The following ZPBP variants were observed in gnomAD, a reference collection of about 807,000 sequenced individuals.
ZPBP encodes the protein zona pellucida binding protein, also known as zona pellucida-binding protein 1.
Under a neutral mutation model 44.8 loss-of-function variants are expected in ZPBP, and 26 were observed. The ratio of observed to expected loss-of-function variants is 0.58; its 90% CI spans 0.43 to 0.81. ZPBP has a LOEUF of 0.81. Among genes scored for constraint, ZPBP ranks in the 30% least tolerant of loss-of-function variants. The probability of loss-of-function intolerance (pLI) is 0.00; values close to 1 mark genes in which losing one functional copy is unlikely to be tolerated. For missense variants in ZPBP, 409 were observed against 434.0 expected (o/e 0.94, Z 0.51); for synonymous variants, 174 against 153.2 (o/e 1.14, Z -1.00).
At chr7:49,902,284 T>TA (rs972782736) in intron 1 of ZPBP, among the ~76,000 whole-genome samples, 2 of 151,402 alleles carry the variant, frequency 1.3e-5, no homozygotes, top group African/African-American at 4.8e-5. Flanking sequence ...GCAAAAGACA[T>TA]AAAAAAAACT....
chr7:50,033,500 T>C (rs761097037), intron 4 of ZPBP, among the ~76,000 whole-genome samples: 1 of 152,124 alleles, frequency 6.6e-6, no homozygotes, highest in African/African-American at 2.4e-5. Flanking sequence ...ATACTCTAAA[T>C]ATTTTGGGGA....
At chr7:49,847,364 T>G (rs1402431430), downstream of ZPBP, among the ~76,000 whole-genome samples, 1 of 152,098 alleles carries the variant, frequency 6.6e-6, no homozygotes, top group Admixed American at 6.6e-5. Context: ...GTGTTATCTG[T>G]GCTGTAGAAT....
intron 7 of ZPBP, among the ~76,000 whole-genome samples, chr7:49,941,215 AT>A (rs777285380): frequency 4.6e-5 from 7 of 152,188 alleles, no homozygotes; most frequent in Non-Finnish European, 8.8e-5. Flanking sequence ...TGAAGCTACT[AT>A]GAAAAACAAT....
intron 3 of ZPBP, among the ~76,000 whole-genome samples, chr7:50,074,565 G>A (rs1313322057): frequency 6.6e-6 from 1 of 151,556 alleles, no homozygotes; most frequent in Non-Finnish European, 1.5e-5. Context: ...GAAAATAAAG[G>A]GATATAAAAA....
At chr7:50,037,361 G>A (rs1173433255) in intron 4 of ZPBP, among the ~76,000 whole-genome samples, 2 of 152,178 alleles carry the variant, frequency 1.3e-5, no homozygotes, top group Non-Finnish European at 2.9e-5. Context: ...CAGTGTAATA[G>A]TCCGTTCTCA....
rs546204225 is a variant in ZPBP at position 50,004,346 on chromosome 7, A to T, written c.783+13894T>A. On this transcript the variant is annotated intron_variant, in intron 6 of 7. Coordinates refer to ENST00000046087, the MANE Select transcript of ZPBP (RefSeq NM_007009.3). ...CTCAGGGACTGGGACCTGCAACAGC[A>T]GTCTTCCAGGAACTCTCAGGCCTTT... Among the ~76,000 whole-genome samples, 10 of 152,056 alleles carry T rather than the reference A, an allele frequency of 6.6e-5. No individual in the cohort carries two copies. In the South Asian group the frequency reaches 1.2e-3, roughly 19 times the overall value.
chr7:49,935,524 G>A (rs1030881285), downstream of ZPBP, among the ~76,000 whole-genome samples: 2 of 151,938 alleles, frequency 1.3e-5, no homozygotes, highest in African/African-American at 4.8e-5. Flanking sequence ...TCAGCCTCCT[G>A]AGTAGCTGGG....
intron 6 of ZPBP, among the ~76,000 whole-genome samples, chr7:49,993,222 G>T (rs1390003464): frequency 1.3e-5 from 2 of 152,022 alleles, no homozygotes; most frequent in African/African-American, 4.8e-5. Context: ...ATACATAAGA[G>T]AATGCTGAAA....
intron 2 of ZPBP, among the ~76,000 whole-genome samples, chr7:49,865,029 C>T (rs1385149305): frequency 2.0e-5 from 3 of 151,954 alleles, no homozygotes; most frequent in Non-Finnish European, 2.9e-5. Flanking sequence ...TGATATCCCT[C>T]TATATTTATT....
chr7:49,885,919 G>T (rs1389956572), intron 2 of ZPBP, among the ~76,000 whole-genome samples: 1 of 152,266 alleles, frequency 6.6e-6, no homozygotes, highest in Non-Finnish European at 1.5e-5. Context: ...AGACCTCCGT[G>T]ATTCTGGGGC....
At chr7:49,918,461 C>T (rs1452374172) in intron 1 of ZPBP, 5 of 152,166 alleles carry the variant, frequency 3.3e-5, no homozygotes, top group Non-Finnish European at 7.4e-5. Context: ...TAGCTCGTCA[C>T]AAAAATGTTG....
chr7:50,050,599 T>C (rs1800638176), intron 4 of ZPBP, among the ~76,000 whole-genome samples: 1 of 151,672 alleles, frequency 6.6e-6, no homozygotes, highest in East Asian at 1.9e-4. Flanking sequence ...CTCAGCACAC[T>C]TTACACAAAA....
chr7:50,092,176 C>A (rs1167317388), intron 1 of ZPBP, among the ~76,000 whole-genome samples: 2 of 152,158 alleles, frequency 1.3e-5, no homozygotes, highest in Non-Finnish European at 2.9e-5. Flanking sequence ...CCTTTCACAC[C>A]TAATACACGA....
chr7:49,898,589 CAT>C (rs907966856), intron 2 of ZPBP, among the ~76,000 whole-genome samples: 1 of 151,916 alleles, frequency 6.6e-6, no homozygotes, highest in Non-Finnish European at 1.5e-5. Flanking sequence ...TACACACACA[CAT>C]ATCATAAGCA....
intron 7 of ZPBP, among the ~76,000 whole-genome samples, chr7:49,958,738 A>T (rs1447540167): frequency 6.6e-6 from 1 of 152,230 alleles, no homozygotes. Flanking sequence ...TAGTGCAGGG[A>T]TACACACATA....
At position 49,980,061 on chromosome 7, in the gene ZPBP, AT is replaced by A. The variant is rs1188868257; in HGVS notation, c.961+3280del. On this transcript the variant is annotated intron_variant, in intron 7 of 7. Coordinates refer to ENST00000046087, the MANE Select transcript of ZPBP (RefSeq NM_007009.3). ...TATAATATATATAATATAATTTTATATTATATTATAATATATATAATATAAT... is the reference window on the plus strand; with the variant it reads ...TATAATATATATAATATAATTTTATATATATTATAATATATATAATATAAT... Among the ~76,000 whole-genome samples, 863 of 88,326 alleles carry A rather than the reference AT, an allele frequency of 9.8e-3. 8 individuals are homozygous for A. The highest frequency in any genetic ancestry group is 0.034 in the South Asian group (102 of 3,016). The allele number at this position is 88,326 out of a possible 152,430, so 57.9% of individuals were successfully genotyped here. A position where few individuals can be genotyped will look rare whatever the true frequency, so the allele number is the denominator to read the frequency against.
At chr7:50,039,347 C>A (rs1022542176) in intron 4 of ZPBP, among the ~76,000 whole-genome samples, 1 of 151,962 alleles carries the variant, frequency 6.6e-6, no homozygotes, top group African/African-American at 2.4e-5. Flanking sequence ...TGCCACATAC[C>A]TAGCTTATAA....
At position 49,942,076 on chromosome 7, in the gene ZPBP, T is replaced by C. The variant is rs565667801; in HGVS notation, c.962-4454A>G. 3.3e-5 allele frequency among the ~76,000 whole-genome samples: 5 copies of C among 152,258 alleles called. No homozygotes were observed. The East Asian group carries it at 9.6e-4, about 29-fold the overall frequency. On this transcript the variant is annotated intron_variant, in intron 7 of 7. Coordinates refer to ENST00000046087, the MANE Select transcript of ZPBP (RefSeq NM_007009.3). The stretch of plus-strand genomic sequence containing the variant: ...ATATACACAGACAACTAAATGAAGT[T>C]GGATTCTTAGACCATATACAAAAAT...
At chr7:49,942,258 C>G (rs1394399179) in intron 7 of ZPBP, 1 of 211,942 alleles carries the variant, frequency 4.7e-6, no homozygotes, top group Admixed American at 5.9e-5. Flanking sequence ...CTGCTAATAT[C>G]TGAATTTTTG....
Sources: gnomAD v4.1 joint callset for allele counts (sites outside exome capture counted in the v4.1 genomes callset) on GRCh38, gnomAD v4.1.1 for gene constraint, MANE v1.5 for transcripts, NCBI Gene and HGNC (gene_info 2026-07-23, HGNC 2026-07-21) for gene names.